Variants in NUB1 observed in about 807,000 individuals in gnomAD.
NUB1 encodes negative regulator of ubiquitin like proteins 1.
A neutral mutation model predicts 77.1 loss-of-function variants in NUB1; 41 were observed. The observed-to-expected ratio is 0.53, with a 90% CI of 0.41 to 0.69. The LOEUF is 0.69. Among genes scored for constraint, NUB1 ranks in the 30% least tolerant of loss-of-function variants. NUB1 has a pLI of 0.00. For missense variants in NUB1, 643 were observed against 743.8 expected (o/e 0.86, Z 1.58); for synonymous variants, 257 against 281.0 (o/e 0.91, Z 0.85).
chr7:151,364,804 C>A (rs569784928), intron 8 of NUB1, among the ~76,000 whole-genome samples: 1 of 152,142 alleles, frequency 6.6e-6, no homozygotes, highest in Non-Finnish European at 1.5e-5. Flanking sequence ...GCGTGAGCCA[C>A]TGTGCCTGGC....
intron 8 of NUB1, among the ~76,000 whole-genome samples, chr7:151,362,303 A>G (rs2150691065): frequency 6.6e-6 from 1 of 152,166 alleles, no homozygotes; most frequent in African/African-American, 2.4e-5. Flanking sequence ...ACTTGTTAGC[A>G]TATTTTTGTG....
At chr7:151,376,870 A>G (rs1474356901) in intron 14 of NUB1, 59 bp downstream of exon 14, 1 of 1,516,208 alleles carries the variant, frequency 6.6e-7, no homozygotes, top group Admixed American at 2.0e-5. Context: ...AAGCCAACAG[A>G]TGTGGCCCTA....
chr7:151,348,762 A>C (rs1796637590), intron 2 of NUB1, among the ~76,000 whole-genome samples: 1 of 151,684 alleles, frequency 6.6e-6, no homozygotes, highest in Non-Finnish European at 1.5e-5. Context: ...TTAAGTAGTT[A>C]TGGGGTTTCA....
At position 151,344,176 on chromosome 7, in the gene NUB1, C is replaced by G. The variant is rs529736813; in HGVS notation, c.-2-1172C>G. ...AGCCTGGGCGACAGAGTGAGACTCC[C>G]TCTCAAAAAAAAAAAAAAAAAAAAA... On this transcript the variant is annotated intron_variant, in intron 1 of 14. Transcript: ENST00000568733. 4.4e-3 allele frequency among the ~76,000 whole-genome samples: 171 copies of G among 39,220 alleles called. 2 individuals are homozygous for G. In the South Asian group the frequency reaches 0.05, roughly 11 times the overall value. 25.7% of individuals were successfully genotyped at this position (39,220 alleles called of 152,430 possible). A position where few individuals can be genotyped will look rare whatever the true frequency, so the allele number is the denominator to read the frequency against.
At chr7:151,354,115 C>T (rs192040207) in intron 5 of NUB1, among the ~76,000 whole-genome samples, 138 of 152,274 alleles carry the variant, frequency 9.1e-4, no homozygotes, top group African/African-American at 3.2e-3. Context: ...TGTCCAGAGT[C>T]CCCCTTTCTA....
chr7:151,362,648 G>T (rs35542644), intron 8 of NUB1, among the ~76,000 whole-genome samples: 7,121 of 152,306 alleles, frequency 0.047, 626 homozygotes, highest in East Asian at 0.34. Context: ...CCCAGGCAGA[G>T]CCTTGTGCTC....
intron 8 of NUB1, among the ~76,000 whole-genome samples, chr7:151,363,743 C>G (rs1233193088): frequency 6.8e-6 from 1 of 147,090 alleles, no homozygotes; most frequent in Admixed American, 6.6e-5. Context: ...TTTTAGCTAA[C>G]CTTTCTTGAA....
intron 10 of NUB1, among the ~76,000 whole-genome samples, chr7:151,368,442 G>A (rs541437098): frequency 1.3e-5 from 2 of 152,336 alleles, no homozygotes; most frequent in South Asian, 4.1e-4. Context: ...AATGCCACGT[G>A]CACAGCTGAA....
At chr7:151,372,207 C>G (rs1309103994) in intron 11 of NUB1, among the ~76,000 whole-genome samples, 12 of 152,342 alleles carry the variant, frequency 7.9e-5, no homozygotes, top group African/African-American at 2.9e-4. Flanking sequence ...CTCTTGAGAT[C>G]TGATTCTACT....
At chr7:151,376,253 C>T in intron 13 of NUB1, 1 of 466,390 alleles carries the variant, frequency 2.1e-6, no homozygotes, top group Non-Finnish European at 3.9e-6. Flanking sequence ...GCACTGTGAC[C>T]TGGGAAACCC....
chr7:151,377,149 TG>T lies in NUB1; in HGVS notation c.1774del (p.Glu592LysfsTer14), dbSNP rs1376378609. ...GAGGAAGACTATCTTGACTCAACTC[TG>T]GAAGATGAAGAAATTATTATTGCAG... Reference protein sequence around the residue: ...EHEEDYLDSTLEDEEIIIAEY... With the variant: ...EHEEDYLDSTXEDEEIIIAEY... On this transcript the variant is annotated frameshift_variant, in exon 15 of 15. Transcript: ENST00000568733. LOFTEE classifies it high-confidence loss of function. 2 of 1,590,022 alleles carry T rather than the reference TG, an allele frequency of 1.3e-6. No homozygotes were observed. The highest frequency in any genetic ancestry group is 4.5e-5 in the East Asian group (2 of 44,326).
At chr7:151,364,074 G>A (rs922142992) in intron 8 of NUB1, among the ~76,000 whole-genome samples, 4 of 151,166 alleles carry the variant, frequency 2.6e-5, no homozygotes, top group Admixed American at 6.6e-5. Context: ...GATTACAGGT[G>A]TGAGCCACCG....
intron 8 of NUB1, among the ~76,000 whole-genome samples, chr7:151,361,716 G>C (rs1239988999): frequency 6.6e-6 from 1 of 152,110 alleles, no homozygotes; most frequent in East Asian, 1.9e-4. Flanking sequence ...TGGGTTCTAA[G>C]TGAACAAGTC....
intron 7 of NUB1, among the ~76,000 whole-genome samples, chr7:151,359,367 T>C (rs9771208): frequency 0.23 from 34,610 of 148,226 alleles, 6,166 homozygotes; most frequent in African/African-American, 0.51. Context: ...GGTGTGAACC[T>C]GGGAGGTGGA....
chr7:151,359,957 G>A (rs1360331340), intron 7 of NUB1, among the ~76,000 whole-genome samples, 184 bp from the exon 8 acceptor site: 2 of 152,026 alleles, frequency 1.3e-5, no homozygotes, highest in Non-Finnish European at 2.9e-5. Context: ...GAAGTGTTTG[G>A]CTTCAGTATT....
intron 8 of NUB1, among the ~76,000 whole-genome samples, chr7:151,364,415 C>A: frequency 8.0e-6 from 1 of 125,602 alleles, no homozygotes. Context: ...AGCGAGACTC[C>A]GTCTCAAAAA....
intron 4 of NUB1, chr7:151,352,041 G>C: frequency 4.4e-6 from 2 of 455,382 alleles, no homozygotes; most frequent in Non-Finnish European, 8.8e-6. Flanking sequence ...GCTAGCTAGC[G>C]GGTGTATTTC....
intron 8 of NUB1, 31 bp from the exon 9 acceptor site, chr7:151,366,908 G>T: frequency 6.5e-7 from 1 of 1,534,572 alleles, no homozygotes; most frequent in South Asian, 1.2e-5. Flanking sequence ...AATGCTGCTT[G>T]GCAGTGATGT....
At chr7:151,345,845 CA>C in intron 2 of NUB1, among the ~76,000 whole-genome samples, 1 of 152,274 alleles carries the variant, frequency 6.6e-6, no homozygotes, top group African/African-American at 2.4e-5. Context: ...TGCTGTGAAA[CA>C]ATTGCTCCTT....
Sources: gnomAD v4.1 joint callset for allele counts (sites outside exome capture counted in the v4.1 genomes callset) on GRCh38, gnomAD v4.1.1 for gene constraint, MANE v1.5 for transcripts, NCBI Gene and HGNC (gene_info 2026-07-23, HGNC 2026-07-21) for gene names.